Variants in GABRG2 observed in about 807,000 individuals in gnomAD.
The protein encoded by GABRG2 is gamma-aminobutyric acid type A receptor subunit gamma2, also known as gamma-aminobutyric acid receptor subunit gamma-2.
A neutral mutation model predicts 56.4 loss-of-function variants in GABRG2; 16 were observed. The observed-to-expected ratio is 0.28, with a 90% CI of 0.19 to 0.43. GABRG2 has a LOEUF of 0.43. GABRG2 is among the 20% of genes least tolerant of loss of function. The pLI is 1.00. For missense variants in GABRG2, 327 were observed against 582.7 expected, an observed-to-expected ratio of 0.56 and a Z score of 4.52; for synonymous variants, 208 against 205.5, an observed-to-expected ratio of 1.01 and a Z score of -0.10.
intron 9 of GABRG2, 110 bp downstream of exon 9, chr5:162,151,863 T>C: frequency 1.1e-6 from 1 of 940,424 alleles, no homozygotes; most frequent in Non-Finnish European, 1.7e-6. Flanking sequence ...AGCATTCTAC[T>C]AGAGATAATA....
At chr5:162,084,300 G>A (rs1272145034) in intron 1 of GABRG2, among the ~76,000 whole-genome samples, 1 of 151,812 alleles carries the variant, frequency 6.6e-6, no homozygotes, top group East Asian at 1.9e-4. Context: ...CAAGCCTTAG[G>A]AAATGCTAAT....
intron 1 of GABRG2, among the ~76,000 whole-genome samples, chr5:162,093,607 T>G (rs1760776353): frequency 6.6e-6 from 1 of 152,170 alleles, no homozygotes; most frequent in Non-Finnish European, 1.5e-5. Context: ...CATGGTTTAT[T>G]TGTCCATGGG....
intron 1 of GABRG2, among the ~76,000 whole-genome samples, chr5:162,089,417 A>C (rs930418190): frequency 4.6e-5 from 7 of 152,156 alleles, no homozygotes; most frequent in African/African-American, 1.7e-4. Context: ...TATATTCACA[A>C]TTTAGAGGTG....
intron 1 of GABRG2, among the ~76,000 whole-genome samples, chr5:162,079,729 G>A (rs1759495558): frequency 6.6e-6 from 1 of 151,856 alleles, no homozygotes; most frequent in Non-Finnish European, 1.5e-5. Context: ...CTGATACAAG[G>A]TAATTGTGTA....
intron 6 of GABRG2, among the ~76,000 whole-genome samples, chr5:162,135,549 C>A (rs922800354): frequency 6.6e-6 from 1 of 152,138 alleles, no homozygotes; most frequent in African/African-American, 2.4e-5. Context: ...TTATGGAACT[C>A]ATAAAATAAT....
chr5:162,095,628 G>A lies in GABRG2; in HGVS notation c.327+66G>A, dbSNP rs141546755. On this transcript the variant is annotated intron_variant, in intron 3 of 9. Coordinates refer to ENST00000639213, the MANE Select transcript of GABRG2 (RefSeq NM_198904.4). Reference sequence around the variant, plus strand: ...TGTTTGAGAGAAAATGTGATGTCATGGAAATAGCAAAAGACATGCCAGCAA... The same window carrying A: ...TGTTTGAGAGAAAATGTGATGTCATAGAAATAGCAAAAGACATGCCAGCAA... 984 of 1,185,640 alleles carry A rather than the reference G, an allele frequency of 8.3e-4. 6 individuals are homozygous for A. The African/African-American group carries it at 0.014, about 16-fold the overall frequency. The allele number at this position is 1,185,640 out of a possible 1,614,324, so 73.4% of individuals were successfully genotyped here. A position where few individuals can be genotyped will look rare whatever the true frequency, so the allele number is the denominator to read the frequency against.
chr5:162,080,429 A>G (rs1759556572), intron 1 of GABRG2, among the ~76,000 whole-genome samples: 1 of 152,178 alleles, frequency 6.6e-6, no homozygotes, highest in South Asian at 2.1e-4. Flanking sequence ...CAGCAGGTAC[A>G]AGGATCCCCA....
chr5:162,099,053 A>T (rs959602845), intron 4 of GABRG2: 1 of 152,114 alleles, frequency 6.6e-6, no homozygotes, highest in Non-Finnish European at 1.5e-5. Flanking sequence ...CAAAATAAGA[A>T]TAATGCAATT....
intron 6 of GABRG2, among the ~76,000 whole-genome samples, chr5:162,114,028 A>G (rs1762438172): frequency 6.6e-6 from 1 of 152,212 alleles, no homozygotes; most frequent in Non-Finnish European, 1.5e-5. Flanking sequence ...ACTCCTGCCT[A>G]TAGCAGGGTC....
chr5:162,131,501 AT>A (rs943752638), intron 6 of GABRG2, among the ~76,000 whole-genome samples: 3 of 151,922 alleles, frequency 2.0e-5, no homozygotes, highest in African/African-American at 7.2e-5. Flanking sequence ...CCTCCACTGT[AT>A]TCTCTTCTTT....
chr5:162,116,120 G>GTA (rs1762607410), intron 6 of GABRG2, among the ~76,000 whole-genome samples: 1 of 148,908 alleles, frequency 6.7e-6, no homozygotes. Flanking sequence ...ATGTGTGTGT[G>GTA]TGTGTGTGTG....
intron 6 of GABRG2, among the ~76,000 whole-genome samples, chr5:162,114,992 C>T (rs75237097): frequency 0.014 from 2,127 of 152,222 alleles, 61 homozygotes; most frequent in African/African-American, 0.048. Context: ...TGCACATTAG[C>T]AGTCTTGCAT....
chr5:162,085,367 A>T (rs998412185), intron 1 of GABRG2, among the ~76,000 whole-genome samples: 1 of 151,922 alleles, frequency 6.6e-6, no homozygotes, highest in African/African-American at 2.4e-5. Context: ...GAAGTGCTTT[A>T]TAAAGAGATA....
intron 7 of GABRG2, among the ~76,000 whole-genome samples, chr5:162,144,097 G>A (rs1420692379): frequency 2.0e-5 from 3 of 151,952 alleles, no homozygotes; most frequent in Non-Finnish European, 4.4e-5. Flanking sequence ...TATTACTTTC[G>A]GACTATTACT....
intron 1 of GABRG2, among the ~76,000 whole-genome samples, chr5:162,068,922 C>T (rs1376149677): frequency 6.6e-6 from 1 of 152,018 alleles, no homozygotes; most frequent in Non-Finnish European, 1.5e-5. Flanking sequence ...GAATATACGT[C>T]TGGAAAAGAG....
At position 162,101,259 on chromosome 5, in the gene GABRG2, A is replaced by G. The variant is rs1361752531; in HGVS notation, c.573A>G (p.Gln191=). The part of the protein sequence containing the change: ...TLRLTIDAEC[Q]LQLHNFPMDE... ...GGTTGACAATTGATGCTGAGTGCCA[A>G]TTACAATTGCACAACTTTCCAATGG... Residue 191 remains glutamine, a synonymous_variant, in exon 5 of 10, where the codon CAA becomes CAG. Coordinates refer to ENST00000639213, the MANE Select transcript of GABRG2 (RefSeq NM_198904.4). The G allele has an allele frequency of 3.1e-6, 5 of 1,610,630 alleles. No individual in the cohort carries two copies. Among genetic ancestry groups the G allele is most frequent in the Middle Eastern group, 1.7e-4 (1 of 6,050 alleles).
At chr5:162,093,485 G>A (rs534856634) in intron 1 of GABRG2, among the ~76,000 whole-genome samples, 1 of 152,194 alleles carries the variant, frequency 6.6e-6, no homozygotes, top group South Asian at 2.1e-4. Context: ...GACTACATAT[G>A]ATCCTTTAAC....
chr5:162,077,404 C>T (rs947693499), intron 1 of GABRG2, among the ~76,000 whole-genome samples: 5 of 152,050 alleles, frequency 3.3e-5, no homozygotes, highest in African/African-American at 4.8e-5. Context: ...CCAGTATCCC[C>T]TTGATGCTTC....
rs963043913 is a variant in GABRG2 at position 162,153,012 on chromosome 5, A to G, written c.1153-81A>G. On this transcript the variant is annotated intron_variant, in intron 9 of 9. Coordinates refer to ENST00000639213, the MANE Select transcript of GABRG2 (RefSeq NM_198904.4). Reference sequence around the variant, plus strand: ...TACCCATTTTCAGATTCATCATCACATTGGTGACATTGTGGAAAAACAGCC... The same window carrying G: ...TACCCATTTTCAGATTCATCATCACGTTGGTGACATTGTGGAAAAACAGCC... 31 of 1,515,664 alleles carry G rather than the reference A, an allele frequency of 2.0e-5. No homozygotes were observed. The South Asian group carries it at 2.6e-4, about 13-fold the overall frequency. The allele number at this position is 1,515,664 out of a possible 1,614,324, so 93.9% of individuals were successfully genotyped here.
Sources: allele counts gnomAD v4.1 joint callset (sites outside exome capture counted in the v4.1 genomes callset), GRCh38; gene constraint gnomAD v4.1.1; transcripts MANE v1.5; gene names NCBI Gene and HGNC (gene_info 2026-07-23, HGNC 2026-07-21).